ROR2: variants seen among roughly 807,000 people sequenced by gnomAD.
ROR2 encodes tyrosine-protein kinase transmembrane receptor ROR2.
ROR2 carries 33 observed loss-of-function variants against 74.9 expected under a neutral mutation model. That is an observed-to-expected ratio of 0.44 (90% CI 0.33 to 0.59). The LOEUF (loss-of-function observed/expected upper bound fraction) is 0.59. ROR2 is among the 20% of genes least tolerant of loss of function. The probability of loss-of-function intolerance (pLI) is 0.02; values close to 1 mark genes in which losing one functional copy is unlikely to be tolerated. For synonymous variants in ROR2, 586 were observed against 558.7 expected (o/e 1.05, Z -0.69); for missense variants, 1,216 against 1,313.8 (o/e 0.93, Z 1.15).
chr9:91,784,519 G>A (rs967892795), intron 1 of ROR2, among the ~76,000 whole-genome samples: 4 of 152,240 alleles, frequency 2.6e-5, no homozygotes, highest in Non-Finnish European at 5.9e-5. Context: ...GACGTCATCC[G>A]TGGTGATGGC....
At chr9:91,824,106 C>A (rs1027449961) in intron 1 of ROR2, among the ~76,000 whole-genome samples, 1 of 152,234 alleles carries the variant, frequency 6.6e-6, no homozygotes, top group African/African-American at 2.4e-5. Flanking sequence ...ACGATAGAAT[C>A]TGCCAGACTT....
intron 2 of ROR2, among the ~76,000 whole-genome samples, chr9:91,768,481 G>C (rs1008268992): frequency 6.6e-6 from 1 of 152,184 alleles, no homozygotes; most frequent in Non-Finnish European, 1.5e-5. Context: ...TTTGCAGTAT[G>C]GTCTCAAATC....
At chr9:91,776,185 CG>C (rs1826416123) in intron 1 of ROR2, among the ~76,000 whole-genome samples, 1 of 152,114 alleles carries the variant, frequency 6.6e-6, no homozygotes, top group Admixed American at 6.5e-5. Flanking sequence ...AGCCAGATGC[CG>C]CAGACTGCCC....
rs781414974 is a variant in ROR2, at chr9:91,814,259, T to G, written c.98-38441A>C. 5.3e-5 allele frequency among the ~76,000 whole-genome samples: 8 copies of G among 152,296 alleles called. 1 individual carries two copies. Among genetic ancestry groups the G allele is most frequent in the African/African-American group, 1.9e-4 (8 of 41,560 alleles). On this transcript the variant is annotated intron_variant, in intron 1 of 8. Coordinates refer to ENST00000375708, the MANE Select transcript of ROR2 (RefSeq NM_004560.4). ...AAAAAAATCAAAGTGAAAGAAACCT[T>G]GATCTATTTTTGATCGTGGAAGGCA... is the stretch of plus-strand genomic sequence containing the variant.
intron 2 of ROR2, among the ~76,000 whole-genome samples, chr9:91,757,838 T>C (rs1825810519): frequency 1.3e-5 from 2 of 152,212 alleles, no homozygotes; most frequent in Non-Finnish European, 2.9e-5. Flanking sequence ...CCTTGGTTTA[T>C]GTGTGTTTCT....
chr9:91,881,538 A>G (rs76256390), intron 1 of ROR2, among the ~76,000 whole-genome samples: 4,264 of 152,332 alleles, frequency 0.028, 191 homozygotes, highest in African/African-American at 0.097. Context: ...CAATGCTGTT[A>G]AGTGAAGACT....
At chr9:91,827,633 G>A (rs935293805) in intron 1 of ROR2, among the ~76,000 whole-genome samples, 5 of 152,154 alleles carry the variant, frequency 3.3e-5, no homozygotes, top group Non-Finnish European at 7.3e-5. Flanking sequence ...CAGGATGCAT[G>A]GCCCAAAACG....
intron 1 of ROR2, among the ~76,000 whole-genome samples, chr9:91,794,393 C>T (rs1176642063): frequency 6.6e-6 from 1 of 152,184 alleles, no homozygotes; most frequent in Non-Finnish European, 1.5e-5. Context: ...AGAAAGTCGG[C>T]AGACTCACCA....
intron 1 of ROR2, among the ~76,000 whole-genome samples, chr9:91,916,090 C>G (rs1368264531): frequency 6.6e-6 from 1 of 152,194 alleles, no homozygotes; most frequent in Non-Finnish European, 1.5e-5. Flanking sequence ...GAAGTCACAT[C>G]TTGGCTGTAA....
intron 1 of ROR2, among the ~76,000 whole-genome samples, chr9:91,781,330 A>G (rs1283096689): frequency 2.0e-5 from 3 of 152,208 alleles, no homozygotes; most frequent in African/African-American, 7.2e-5. Flanking sequence ...AGCTCTGTGC[A>G]CCCACTGTCC....
intron 1 of ROR2, among the ~76,000 whole-genome samples, chr9:91,780,270 G>T (rs1337473974): frequency 6.6e-6 from 1 of 152,048 alleles, no homozygotes; most frequent in African/African-American, 2.4e-5. Context: ...CCAGCTACTC[G>T]GGAGGCTGAG....
chr9:91,756,155 A>G (rs1825743640), intron 3 of ROR2, 54 bp from the exon 4 acceptor site: 2 of 1,576,474 alleles, frequency 1.3e-6, no homozygotes, highest in South Asian at 2.2e-5. Flanking sequence ...TTTGGAATAC[A>G]ACCTTCTTCA....
intron 1 of ROR2, among the ~76,000 whole-genome samples, chr9:91,835,261 A>G (rs1485480934): frequency 6.6e-6 from 1 of 152,150 alleles, no homozygotes; most frequent in African/African-American, 2.4e-5. Context: ...TGCCTCATGA[A>G]ACAAACATGC....
chr9:91,757,648 G>T, intron 2 of ROR2, 89 bp from the exon 3 acceptor site: 1 of 1,487,780 alleles, frequency 6.7e-7, no homozygotes, highest in Non-Finnish European at 9.2e-7. Context: ...ACTCTTCCAA[G>T]GGAAGGTTTC....
intron 1 of ROR2, among the ~76,000 whole-genome samples, chr9:91,860,268 G>A (rs779382114): frequency 1.3e-5 from 2 of 152,160 alleles, no homozygotes; most frequent in Admixed American, 6.5e-5. Context: ...CCTCGGCAGC[G>A]CTTGGTGACT....
chr9:91,740,722 T>G (rs1825207026), intron 4 of ROR2, among the ~76,000 whole-genome samples: 1 of 152,060 alleles, frequency 6.6e-6, no homozygotes, highest in South Asian at 2.1e-4. Context: ...TCTGGCACAT[T>G]TGGGGCCTTG....
chr9:91,918,630 C>T (rs1831194870), intron 1 of ROR2, among the ~76,000 whole-genome samples: 1 of 152,178 alleles, frequency 6.6e-6, no homozygotes, highest in South Asian at 2.1e-4. Context: ...AAATTTTCTG[C>T]AATTCCATAG....
chr9:91,811,294 G>A (rs1827743639), intron 1 of ROR2, among the ~76,000 whole-genome samples: 2 of 152,230 alleles, frequency 1.3e-5, no homozygotes, highest in African/African-American at 4.8e-5. Context: ...GGAACCACGG[G>A]GGAGCGCAGG....
chr9:91,733,514 C>A lies in ROR2; in HGVS notation c.623-78G>T. 6.8e-7 allele frequency: 1 copy of A among 1,473,530 alleles called. No individual in the cohort carries two copies. The highest frequency in any genetic ancestry group is 9.1e-7 in the Non-Finnish European group (1 of 1,096,752). The allele number at this position is 1,473,530 out of a possible 1,614,324, so 91.3% of individuals were successfully genotyped here. A position where few individuals can be genotyped will look rare whatever the true frequency, so the allele number is the denominator to read the frequency against. On this transcript the variant is annotated intron_variant, in intron 5 of 8. Coordinates refer to ENST00000375708, the MANE Select transcript of ROR2 (RefSeq NM_004560.4). The surrounding 1 kb of genome is among the most constrained non-coding windows in gnomAD (Gnocchi z 5.7). ...CATTCATCCAGTCCCCACCCCCAGC[C>A]TGGCATCCCAGACTGCCCACTCAGC...
Sources: gnomAD v4.1 joint callset for allele counts (sites outside exome capture counted in the v4.1 genomes callset) on GRCh38, gnomAD v4.1.1 for gene constraint, Gnocchi (gnomAD v3.1) non-coding constraint, MANE v1.5 for transcripts, NCBI Gene and HGNC (gene_info 2026-07-23, HGNC 2026-07-21) for gene names.